Variants in USH1C observed in about 807,000 individuals in gnomAD.
The protein encoded by USH1C is USH1 protein network component harmonin, also known as harmonin.
USH1C carries 90 observed loss-of-function variants against 119.3 expected under a neutral mutation model. The observed-to-expected ratio is 0.75, with a 90% CI of 0.64 to 0.90. The LOEUF (loss-of-function observed/expected upper bound fraction) is 0.90, where lower values mean the gene tolerates loss of function less well. Ranked by LOEUF, USH1C falls within the 40% of genes least tolerant of loss-of-function variation. USH1C has a pLI of 0.00. For synonymous variants in USH1C, 465 were observed against 443.3 expected, an observed-to-expected ratio of 1.05 and a Z score of -0.62; for missense variants, 1,165 against 1,167.7, an observed-to-expected ratio of 1.00 and a Z score of 0.03.
intron 14 of USH1C, among the ~76,000 whole-genome samples, chr11:17,520,293 C>T (rs1056628597): frequency 1.9e-4 from 29 of 152,124 alleles, no homozygotes; most frequent in Non-Finnish European, 1.5e-5. Context: ...AGCTGAGGCC[C>T]CAGGACAGCA....
At chr11:17,517,929 A>G (rs1032586495) in intron 14 of USH1C, among the ~76,000 whole-genome samples, 3 of 152,208 alleles carry the variant, frequency 2.0e-5, no homozygotes, top group African/African-American at 7.2e-5. Context: ...TGTGGGCAGC[A>G]GATGGAGGCT....
intron 16 of USH1C, among the ~76,000 whole-genome samples, chr11:17,511,045 G>C (rs543753439): frequency 1.3e-5 from 2 of 152,256 alleles, no homozygotes; most frequent in East Asian, 3.9e-4. Context: ...CTGATTCATG[G>C]ATGCGTTAAA....
intron 14 of USH1C, among the ~76,000 whole-genome samples, chr11:17,520,521 T>C (rs917828604): frequency 3.9e-5 from 6 of 152,128 alleles, no homozygotes; most frequent in Admixed American, 3.3e-4. Context: ...CAGAACCAAG[T>C]AGGAGGAGGA....
Position 17,516,383 on chromosome 11 carries a change from C to T in USH1C, c.1211-93G>A. The stretch of plus-strand genomic sequence containing the variant: ...ATGGGAGCTGGGTTCCCAAGGAATG[C>T]ATGACTTTGTGAGATAAACAGCATT... On this transcript the variant is annotated intron_variant, in intron 14 of 26. Transcript: ENST00000005226. The T allele has an allele frequency of 5.5e-6, 7 of 1,278,818 alleles. No homozygotes were observed. In the South Asian group the frequency reaches 8.9e-5, roughly 16 times the overall value. The allele number at this position is 1,278,818 out of a possible 1,614,324, so 79.2% of individuals were successfully genotyped here. A position where few individuals can be genotyped will look rare whatever the true frequency, so the allele number is the denominator to read the frequency against.
At position 17,517,708 on chromosome 11, in the gene USH1C, C is replaced by T. The variant is rs12271449; in HGVS notation, c.1211-1418G>A. Among the ~76,000 whole-genome samples the T allele has an allele frequency of 0.035, 5,399 of 152,228 alleles. 127 individuals carry two copies. The highest frequency in any genetic ancestry group is 0.071 in the Middle Eastern group (21 of 294). Reference sequence around the variant, plus strand: ...TTAGTTTTTCTGTCTGTACAAAGGGCTAACAACAGGAAACTCAGATCTGAG... The same window carrying T: ...TTAGTTTTTCTGTCTGTACAAAGGGTTAACAACAGGAAACTCAGATCTGAG... On this transcript the variant is annotated intron_variant, in intron 14 of 26. Transcript: ENST00000005226.
chr11:17,505,733 TCC>T, intron 19 of USH1C, 95 bp downstream of exon 19: 1 of 1,566,550 alleles, frequency 6.4e-7, no homozygotes, highest in East Asian at 2.3e-5. Flanking sequence ...TGCATTTTTG[TCC>T]CACCTCACTT....
intron 1 of USH1C, among the ~76,000 whole-genome samples, chr11:17,534,728 G>A (rs571246139): frequency 6.6e-6 from 1 of 152,116 alleles, no homozygotes; most frequent in African/African-American, 2.4e-5. Context: ...ACAAAAATTA[G>A]CTGGGCGTAG....
intron 1 of USH1C, among the ~76,000 whole-genome samples, chr11:17,538,901 A>G (rs1851335961): frequency 6.6e-6 from 1 of 152,064 alleles, no homozygotes; most frequent in Admixed American, 6.6e-5. Flanking sequence ...TGTTCTGGTA[A>G]CCTTCCCTCT....
At chr11:17,527,567 CA>C (rs1427840849) in intron 4 of USH1C, among the ~76,000 whole-genome samples, 1 of 152,148 alleles carries the variant, frequency 6.6e-6, no homozygotes, top group Non-Finnish European at 1.5e-5. Context: ...GAAACCAAGA[CA>C]GGGGTGAGGG....
At position 17,531,134 on chromosome 11, in the gene USH1C, C is replaced by A. The variant is rs1229006449; in HGVS notation, c.387+20G>T. ...GGTCCGAGGCCCTCGCTCCCCCTCC[C>A]CCGGACTCTGTTTGCTCACCTGGAG... On this transcript the variant is annotated intron_variant, in intron 4 of 26. Transcript: ENST00000005226. The surrounding 1 kb of genome is among the most constrained non-coding windows in gnomAD (Gnocchi z 4.2). The A allele has an allele frequency of 1.2e-6, 2 of 1,613,864 alleles. No individual in the cohort carries two copies. The highest frequency in any genetic ancestry group is 8.5e-7 in the Non-Finnish European group (1 of 1,179,992).
In USH1C at chr11:17,494,147, T is replaced by G. The variant is rs147350505; in HGVS notation, c.*185A>C. On this transcript the variant is annotated 3_prime_UTR_variant, in exon 27 of 27. Coordinates refer to ENST00000005226, the MANE Select transcript of USH1C (RefSeq NM_153676.4). ...GGCTGGCTGCTCCCTTTCCTCCACG[T>G]TGGCCTTCAGAAGAGTGGCCCGAGC... The G allele has an allele frequency of 1.2e-5, 8 of 688,836 alleles. No homozygotes were observed. In the East Asian group the frequency reaches 1.9e-4, roughly 17 times the overall value. 42.7% of individuals were successfully genotyped at this position (688,836 alleles called of 1,614,324 possible). A position where few individuals can be genotyped will look rare whatever the true frequency, so the allele number is the denominator to read the frequency against.
At chr11:17,525,498 C>T (rs1457702077) in intron 8 of USH1C, among the ~76,000 whole-genome samples, 3 of 152,222 alleles carry the variant, frequency 2.0e-5, no homozygotes, top group Non-Finnish European at 4.4e-5. Flanking sequence ...CACAACCACC[C>T]TGTGATGTGG....
chr11:17,533,426 T>C (rs1339916396), intron 1 of USH1C, 104 bp from the exon 2 acceptor site: 1 of 840,614 alleles, frequency 1.2e-6, no homozygotes, highest in Non-Finnish European at 2.0e-6. Flanking sequence ...CAGCAGCTTT[T>C]CAGGGCTGGA....
chr11:17,506,681 G>A (rs989535889), intron 18 of USH1C, among the ~76,000 whole-genome samples: 8 of 152,174 alleles, frequency 5.3e-5, no homozygotes, highest in Non-Finnish European at 7.3e-5. Context: ...GCCTTTGCAC[G>A]TGCTCTTCCT....
Position 17,495,655 on chromosome 11 carries a change from C to T in USH1C, c.2569G>A (p.Ala857Thr), listed in dbSNP as rs1182391238. The T allele has an allele frequency of 6.2e-7, 1 of 1,614,180 alleles. No homozygotes were observed. The highest frequency in any genetic ancestry group is 1.7e-5 in the Admixed American group (1 of 60,026). ...DELASLPSSV[A>T]ESPQPVRKLL... Reference sequence around the variant, plus strand: ...TTTCGGACCGGTTGGGGGCTTTCAGCTACGGAGGAGGGAAGAGAAGCTCTA... The same window carrying T: ...TTTCGGACCGGTTGGGGGCTTTCAGTTACGGAGGAGGGAAGAGAAGCTCTA... Residue 857 changes from alanine to threonine, a missense_variant, in exon 26 of 27, where the codon GCT (alanine) becomes ACT (threonine). By Grantham distance (58) the Ala-to-Thr change is moderately conservative (BLOSUM62 0). Coordinates refer to ENST00000005226, the MANE Select transcript of USH1C (RefSeq NM_153676.4).
At chr11:17,504,856 G>C (rs1034748645) in intron 19 of USH1C, among the ~76,000 whole-genome samples, 159 bp from the exon 20 acceptor site, 4 of 152,216 alleles carry the variant, frequency 2.6e-5, no homozygotes, top group Non-Finnish European at 5.9e-5. Flanking sequence ...AATGCCCAAA[G>C]ATGCTACCCA....
chr11:17,524,669 C>T, intron 8 of USH1C, 134 bp from the exon 9 acceptor site: 1 of 960,694 alleles, frequency 1.0e-6, no homozygotes, highest in Non-Finnish European at 1.6e-6. Context: ...CCTCTCCAGC[C>T]TGATTTCTAC....
chr11:17,522,157 G>T (rs571599650), intron 12 of USH1C, among the ~76,000 whole-genome samples: 2 of 152,170 alleles, frequency 1.3e-5, no homozygotes, highest in Non-Finnish European at 2.9e-5. Context: ...ATGCCTAAAA[G>T]GTATTTGGAT....
chr11:17,498,226 A>G lies in USH1C; in HGVS notation c.2426T>C (p.Ile809Thr), dbSNP rs755400861. The G allele has an allele frequency of 1.6e-5, 26 of 1,613,966 alleles. No individual in the cohort carries two copies. The highest frequency in any genetic ancestry group is 4.5e-5 in the East Asian group (2 of 44,882). The change falls in exon 24 of 27, where the codon ATT becomes ACT. Residue 809 changes from isoleucine (I) to threonine (T), a missense_variant. Physicochemically the swap from Ile to Thr is moderately conservative, Grantham distance 89. Coordinates refer to ENST00000005226, the MANE Select transcript of USH1C (RefSeq NM_153676.4). ...CTCAGCCAGGGTGTAGTCTGTCACA[A>G]TCTTGCCGTTGATTGCCATGATCTC... The part of the protein sequence containing the change: ...GDEIMAINGK[I>T]VTDYTLAEAE...
Sources: allele counts gnomAD v4.1 joint callset (sites outside exome capture counted in the v4.1 genomes callset), GRCh38; gene constraint gnomAD v4.1.1; non-coding constraint Gnocchi (gnomAD v3.1); transcripts MANE v1.5; gene names NCBI Gene and HGNC (gene_info 2026-07-23, HGNC 2026-07-21).